Variants in USB1 observed in about 807,000 individuals in gnomAD.
USB1 encodes the protein U6 snRNA phosphodiesterase 1.
Under a neutral mutation model 29.9 loss-of-function variants are expected in USB1, and 21 were observed. The ratio of observed to expected loss-of-function variants is 0.70; its 90% CI spans 0.50 to 1.01. The LOEUF is 1.01. Ranked by LOEUF, USB1 falls within the 50% of genes least tolerant of loss-of-function variation. USB1 has a pLI of 0.00. For synonymous variants in USB1, 143 were observed against 134.9 expected, an observed-to-expected ratio of 1.06 and a Z score of -0.42; for missense variants, 330 against 347.1, an observed-to-expected ratio of 0.95 and a Z score of 0.39.
Position 58,017,578 on chromosome 16 carries a change from G to A in USB1, c.609+139G>A, listed in dbSNP as rs1314375980. 7 of 787,742 alleles carry A rather than the reference G, an allele frequency of 8.9e-6. No individual in the cohort carries two copies. In the Admixed American group the frequency reaches 1.4e-4, roughly 16 times the overall value. The allele number at this position is 787,742 out of a possible 1,614,324, so 48.8% of individuals were successfully genotyped here. On this transcript the variant is annotated intron_variant, in intron 5 of 6. Transcript: ENST00000219281. ...GGTGCTCTGAATGCCAGCCTTCTGA[G>A]GATGCACACCTCGGGGGGTGAGGGC...
At chr16:58,012,351 C>G (rs1482857596) in intron 3 of USB1, 1 of 1,531,978 alleles carries the variant, frequency 6.5e-7, no homozygotes, top group Admixed American at 2.0e-5. Context: ...AAGCCCAACC[C>G]AAAGTGGCTT....
Position 58,002,459 on chromosome 16 carries a change from T to C in USB1, c.99-20T>C. 6.2e-7 allele frequency: 1 copy of C among 1,613,374 alleles called. No individual in the cohort carries two copies. Among genetic ancestry groups the C allele is most frequent in the African/African-American group, 1.3e-5 (1 of 75,060 alleles). On this transcript the variant is annotated intron_variant, in intron 1 of 6. Transcript: ENST00000219281. ...TGCTAACAGGATAAATGTACTCATT[T>C]TTCTTTTTTTCTTTTGCAGTGGCCA...
intron 2 of USB1, among the ~76,000 whole-genome samples, chr16:58,006,869 A>G (rs1006250585): frequency 1.3e-5 from 2 of 152,232 alleles, no homozygotes; most frequent in African/African-American, 4.8e-5. Flanking sequence ...GACATTCTCT[A>G]TCAAGTTAAC....
chr16:58,009,795 A>G lies in USB1; in HGVS notation c.266-134A>G. On this transcript the variant is annotated intron_variant, in intron 2 of 6. Transcript: ENST00000219281. ...TAAAATTATATTAGAAGACATAGACATAGGCTGCTGTCCAAGTAATTTTCT... is the reference window on the plus strand; with the variant it reads ...TAAAATTATATTAGAAGACATAGACGTAGGCTGCTGTCCAAGTAATTTTCT... 12 of 807,896 alleles carry G rather than the reference A, an allele frequency of 1.5e-5. No individual in the cohort carries two copies. The South Asian group carries it at 1.7e-4, about 11-fold the overall frequency. The allele number at this position is 807,896 out of a possible 1,614,324, so 50.0% of individuals were successfully genotyped here.
intron 6 of USB1, among the ~76,000 whole-genome samples, chr16:58,019,685 G>A (rs1283876547): frequency 6.6e-6 from 1 of 152,154 alleles, no homozygotes; most frequent in Non-Finnish European, 1.5e-5. Flanking sequence ...CATAAGAGAA[G>A]CCAGAAACCT....
At position 58,013,209 on chromosome 16, in the gene USB1, C is replaced by A. The variant is rs574051387; in HGVS notation, c.450-1064C>A. On this transcript the variant is annotated intron_variant, in intron 3 of 6. Transcript: ENST00000219281. The surrounding 1 kb of genome is among the most constrained non-coding windows in gnomAD (Gnocchi z 4.3). ...AGGGGTGGAGAGCCATCCTGCAACA[C>A]GAGGTTACCAGGAGAAGGAGTTTTG... is the stretch of plus-strand genomic sequence containing the variant. 12 of 985,464 alleles carry A rather than the reference C, an allele frequency of 1.2e-5. No homozygotes were observed. Among genetic ancestry groups the A allele is most frequent in the Non-Finnish European group, 1.4e-5 (12 of 829,972 alleles). The allele number at this position is 985,464 out of a possible 1,614,324, so 61.0% of individuals were successfully genotyped here.
At chr16:58,015,401 TGCCTTCAAAGCGA>T (rs1456700646) in intron 4 of USB1, 1 of 152,240 alleles carries the variant, frequency 6.6e-6, no homozygotes, top group Non-Finnish European at 1.5e-5. Flanking sequence ...ATGATTATCC[TGCCTTCAAAGCGA>T]GCCTCCCTGT....
chr16:58,017,027 A>G, intron 4 of USB1: 2 of 408,674 alleles, frequency 4.9e-6, no homozygotes, highest in Non-Finnish European at 9.3e-6. Flanking sequence ...GATGATGGAG[A>G]ATGGGGGTGC....
chr16:58,001,683 G>A (rs1963199509), intron 1 of USB1, 102 bp downstream of exon 1: 2 of 1,350,778 alleles, frequency 1.5e-6, no homozygotes, highest in Non-Finnish European at 2.1e-6. Flanking sequence ...GATGCGGGGC[G>A]GCTCTGGGAA....
chr16:58,015,523 C>T (rs1963595917), intron 4 of USB1: 2 of 152,212 alleles, frequency 1.3e-5, no homozygotes, highest in African/African-American at 4.8e-5. Context: ...TAAGCACCCA[C>T]TTGTGCCAGG....
intron 4 of USB1, 54 bp from the exon 5 acceptor site, chr16:58,017,280 T>C: frequency 6.5e-7 from 1 of 1,541,368 alleles, no homozygotes; most frequent in Non-Finnish European, 9.0e-7. Context: ...GCTGCGCAGA[T>C]GGCTGTGTTC....
At chr16:58,001,674 A>C in intron 1 of USB1, 93 bp downstream of exon 1, 1 of 1,389,328 alleles carries the variant, frequency 7.2e-7, no homozygotes, top group Non-Finnish European at 1.0e-6. Flanking sequence ...GGGAGGGAGG[A>C]TGCGGGGCGG....
intron 4 of USB1, chr16:58,016,706 G>A (rs557980299): frequency 1.5e-4 from 26 of 171,522 alleles, no homozygotes; most frequent in Admixed American, 8.1e-4. Flanking sequence ...TGCTGGGTGC[G>A]TACGAGGCGG....
intron 3 of USB1, chr16:58,011,294 A>G (rs923511663): frequency 8.4e-6 from 12 of 1,429,936 alleles, no homozygotes; most frequent in East Asian, 7.7e-5. Context: ...CTGGGGGCCT[A>G]TGGGGGTGAA....
chr16:58,003,786 G>T (rs981352572), intron 2 of USB1, among the ~76,000 whole-genome samples: 1 of 151,912 alleles, frequency 6.6e-6, no homozygotes, highest in Non-Finnish European at 1.5e-5. Context: ...TATGATGTGG[G>T]TCTAATATTG....
In USB1 at chr16:58,001,429, G is replaced by T. The variant is rs1048438942; in HGVS notation, c.-55G>T. 77 of 1,551,496 alleles carry T rather than the reference G, an allele frequency of 5.0e-5. No homozygotes were observed. The African/African-American group carries it at 1.0e-3, about 21-fold the overall frequency. ...GGCGCTTCCGGCACAGCGGAACTCC[G>T]GGTGCCGGTTGAGGTTGCTGGTGGA... On this transcript the variant is annotated 5_prime_UTR_variant, in exon 1 of 7. Transcript: ENST00000219281.
At chr16:58,005,033 C>G (rs1390483916) in intron 2 of USB1, among the ~76,000 whole-genome samples, 1 of 152,114 alleles carries the variant, frequency 6.6e-6, no homozygotes, top group Non-Finnish European at 1.5e-5. Flanking sequence ...TGCCTGGCAG[C>G]TGAGGCAGAG....
At chr16:58,012,483 G>A in intron 3 of USB1, 5 of 1,178,730 alleles carry the variant, frequency 4.2e-6, no homozygotes, top group Non-Finnish European at 6.0e-6. Flanking sequence ...ACCACAGGCA[G>A]ACTGTTCACC....
chr16:58,018,850 C>A, intron 5 of USB1, 122 bp from the exon 6 acceptor site: 1 of 926,082 alleles, frequency 1.1e-6, no homozygotes, highest in South Asian at 1.4e-5. Flanking sequence ...AGTATCTTGT[C>A]TCCCACTGGG....
Sources: gnomAD v4.1 joint callset for allele counts (sites outside exome capture counted in the v4.1 genomes callset) on GRCh38, gnomAD v4.1.1 for gene constraint, Gnocchi (gnomAD v3.1) non-coding constraint, MANE v1.5 for transcripts, NCBI Gene and HGNC (gene_info 2026-07-23, HGNC 2026-07-21) for gene names.